EPHB2: variants seen among roughly 807,000 people sequenced by gnomAD.
EPHB2 encodes the protein EPH receptor B2.
Under a neutral mutation model 96.4 loss-of-function variants are expected in EPHB2, and 18 were observed. That is an observed-to-expected ratio of 0.19 (90% CI 0.13 to 0.28). The LOEUF is 0.28. Among genes scored for constraint, EPHB2 ranks in the 10% least tolerant of loss-of-function variants. The pLI is 1.00. For synonymous variants in EPHB2, 506 were observed against 534.1 expected, an observed-to-expected ratio of 0.95 and a Z score of 0.72; for missense variants, 989 against 1,355.4, an observed-to-expected ratio of 0.73 and a Z score of 4.25.
At chr1:22,743,151 T>G (rs1346832706) in intron 1 of EPHB2, among the ~76,000 whole-genome samples, 1 of 151,918 alleles carries the variant, frequency 6.6e-6, no homozygotes, top group African/African-American at 2.4e-5. Flanking sequence ...CTCAGCCTCC[T>G]GAAACAGTGG....
At chr1:22,782,429 G>T (rs953093702) in intron 2 of EPHB2, among the ~76,000 whole-genome samples, 5 of 144,454 alleles carry the variant, frequency 3.5e-5, no homozygotes, top group African/African-American at 1.3e-4. Flanking sequence ...CCTCCGCTGG[G>T]ACTCAGCTGC....
At chr1:22,821,685 T>C (rs1162308639) in intron 3 of EPHB2, among the ~76,000 whole-genome samples, 1 of 152,244 alleles carries the variant, frequency 6.6e-6, no homozygotes, top group Non-Finnish European at 1.5e-5. Flanking sequence ...CTCCCTTGTC[T>C]GGGCCTTAGG....
At chr1:22,800,679 G>A (rs1644829048) in intron 3 of EPHB2, among the ~76,000 whole-genome samples, 1 of 148,768 alleles carries the variant, frequency 6.7e-6, no homozygotes, top group African/African-American at 2.5e-5. Context: ...GTTAGCATAT[G>A]TGAGCCCTAT....
chr1:22,773,302 G>C (rs1557665191), intron 1 of EPHB2, among the ~76,000 whole-genome samples: 1 of 152,192 alleles, frequency 6.6e-6, no homozygotes, highest in South Asian at 2.1e-4. Context: ...AGAGTGCTGT[G>C]ACCATGGACA....
chr1:22,907,321 C>T (rs1240318505), intron 11 of EPHB2, among the ~76,000 whole-genome samples: 1 of 152,150 alleles, frequency 6.6e-6, no homozygotes, highest in Admixed American at 6.5e-5. Context: ...CCCAGAGTCA[C>T]CCAGAGGGTC....
intron 1 of EPHB2, among the ~76,000 whole-genome samples, chr1:22,741,874 C>T (rs1643908978): frequency 6.6e-6 from 1 of 152,066 alleles, no homozygotes; most frequent in African/African-American, 2.4e-5. Context: ...AAGGCCGGAG[C>T]TCAGTGTGGT....
In EPHB2 at chr1:22,762,748, A is replaced by G. The variant is rs542240505; in HGVS notation, c.62-18673A>G. On this transcript the variant is annotated intron_variant, in intron 1 of 15. Transcript: ENST00000374630. Reference sequence around the variant, plus strand: ...GCCTGGCATGGGCAGGGACTTGACCAATGGCCACTATTGTAATCCATCTCA... The same window carrying G: ...GCCTGGCATGGGCAGGGACTTGACCGATGGCCACTATTGTAATCCATCTCA... 2.0e-5 allele frequency among the ~76,000 whole-genome samples: 3 copies of G among 152,282 alleles called. No homozygotes were observed. In the East Asian group the frequency reaches 5.8e-4, roughly 29 times the overall value.
intron 3 of EPHB2, among the ~76,000 whole-genome samples, chr1:22,843,834 C>T (rs1277968165): frequency 1.3e-5 from 2 of 152,264 alleles, no homozygotes; most frequent in Non-Finnish European, 2.9e-5. Flanking sequence ...GGCCACCGTA[C>T]CCAGCCTCTT....
At chr1:22,796,056 A>G (rs7517616) in intron 3 of EPHB2, among the ~76,000 whole-genome samples, 20,383 of 152,164 alleles carry the variant, frequency 0.13, 2,046 homozygotes, top group East Asian at 0.56. Flanking sequence ...AGTGGGTGCA[A>G]CAAGTATTTA....
chr1:22,852,111 G>T (rs1645632791), intron 3 of EPHB2, among the ~76,000 whole-genome samples: 1 of 152,202 alleles, frequency 6.6e-6, no homozygotes, highest in Non-Finnish European at 1.5e-5. Flanking sequence ...CAGAGTCAAG[G>T]TGAAGATGCA....
chr1:22,855,058 C>T (rs980866836), intron 3 of EPHB2, among the ~76,000 whole-genome samples: 31 of 152,210 alleles, frequency 2.0e-4, no homozygotes, highest in African/African-American at 6.0e-4. Flanking sequence ...CCACCCACAG[C>T]TGGAGTCCCA....
rs1005457809 is a variant in EPHB2, at chr1:22,790,531, T to C, written c.811+5455T>C. Reference sequence around the variant, plus strand: ...TCTTTCTAGAGTATGATAGGTGTGATTGTGAATGTTCCCCTGCCCCAGTTT... The same window carrying C: ...TCTTTCTAGAGTATGATAGGTGTGACTGTGAATGTTCCCCTGCCCCAGTTT... On this transcript the variant is annotated intron_variant, in intron 3 of 15. Transcript: ENST00000374630. This position sits in a 1 kb window ranked among gnomAD's most constrained non-coding sequence, Gnocchi z 4.0. Among the ~76,000 whole-genome samples, 2 of 152,128 alleles carry C rather than the reference T, an allele frequency of 1.3e-5. No individual in the cohort carries two copies. The highest frequency in any genetic ancestry group is 4.8e-5 in the African/African-American group (2 of 41,442).
At chr1:22,775,348 G>A in intron 1 of EPHB2, 1 of 740,322 alleles carries the variant, frequency 1.4e-6, no homozygotes, top group Non-Finnish European at 2.5e-6. Flanking sequence ...GAGGGCCCTG[G>A]CCAGCGCTTG....
chr1:22,729,495 C>T (rs1643655984), intron 1 of EPHB2, among the ~76,000 whole-genome samples: 1 of 152,222 alleles, frequency 6.6e-6, no homozygotes, highest in African/African-American at 2.4e-5. Flanking sequence ...GGCCTGCTTC[C>T]TGCCTACTCT....
chr1:22,918,611 CCA>C lies in EPHB2; in HGVS notation c.*5043_*5044del, dbSNP rs891445446. 2.0e-5 allele frequency: 3 copies of C among 152,228 alleles called. No individual in the cohort carries two copies. Among genetic ancestry groups the C allele is most frequent in the Non-Finnish European group, 4.4e-5 (3 of 68,040 alleles). 9.4% of individuals were successfully genotyped at this position (152,228 alleles called of 1,614,324 possible). ...GATGCTACATACGCATGCGAATACA[CCA>C]CCGGGTGGCCTTGACCCAGCCTTCT... On this transcript the variant is annotated 3_prime_UTR_variant, in exon 16 of 16. Coordinates refer to ENST00000374630, the MANE Select transcript of EPHB2 (RefSeq NM_017449.5). The surrounding 1 kb of genome is among the most constrained non-coding windows in gnomAD (Gnocchi z 4.2).
intron 1 of EPHB2, among the ~76,000 whole-genome samples, chr1:22,780,286 A>G (rs2817906): frequency 0.84 from 127,391 of 152,148 alleles, 54,446 homozygotes; most frequent in Non-Finnish European, 0.92. Flanking sequence ...CCTAGGCCAC[A>G]TGGCTCCCTG....
At chr1:22,873,094 T>C (rs1321045342) in intron 5 of EPHB2, among the ~76,000 whole-genome samples, 1 of 152,226 alleles carries the variant, frequency 6.6e-6, no homozygotes, top group Admixed American at 6.5e-5. Flanking sequence ...ACTGCCACAG[T>C]AGTGCTGGTT....
At chr1:22,727,409 A>G (rs555918127) in intron 1 of EPHB2, among the ~76,000 whole-genome samples, 1 of 152,342 alleles carries the variant, frequency 6.6e-6, no homozygotes, top group East Asian at 1.9e-4. Context: ...CACAGCTCCC[A>G]GGGGGCTCCT....
At position 22,914,681 on chromosome 1, in the gene EPHB2, A is replaced by T. The variant is rs1640219458; in HGVS notation, c.*1111A>T. 1 of 152,368 alleles carries T rather than the reference A, an allele frequency of 6.6e-6. No homozygotes were observed. 9.4% of individuals were successfully genotyped at this position (152,368 alleles called of 1,614,324 possible). A position where few individuals can be genotyped will look rare whatever the true frequency, so the allele number is the denominator to read the frequency against. ...ACCAAGGGCGAGATTTTATATGCAC[A>T]TTTCTGGATTTTTTTATACGGTTTT... On this transcript the variant is annotated 3_prime_UTR_variant, in exon 16 of 16. Transcript: ENST00000374630.
Sources: allele counts gnomAD v4.1 joint callset (sites outside exome capture counted in the v4.1 genomes callset), GRCh38; gene constraint gnomAD v4.1.1; non-coding constraint Gnocchi (gnomAD v3.1); transcripts MANE v1.5; gene names NCBI Gene and HGNC (gene_info 2026-07-23, HGNC 2026-07-21).